USP14: variants seen among roughly 807,000 people sequenced by gnomAD.
USP14 encodes the protein ubiquitin carboxyl-terminal hydrolase 14.
Under a neutral mutation model 76.5 loss-of-function variants are expected in USP14, and 38 were observed. The ratio of observed to expected loss-of-function variants is 0.50; its 90% CI spans 0.38 to 0.65. The LOEUF (loss-of-function observed/expected upper bound fraction) is 0.65. Among genes scored for constraint, USP14 ranks in the 30% least tolerant of loss-of-function variants. USP14 has a pLI of 0.00. For missense variants in USP14, 467 were observed against 586.5 expected, an observed-to-expected ratio of 0.80 and a Z score of 2.10; for synonymous variants, 192 against 191.7, an observed-to-expected ratio of 1.00 and a Z score of -0.01.
chr18:214,533 G>A lies in USP14; in HGVS notation c.*3249G>A. The A allele has an allele frequency of 1.0e-6, 1 of 1,002,358 alleles. No homozygotes were observed. The highest frequency in any genetic ancestry group is 1.5e-6 in the Non-Finnish European group (1 of 685,364). The allele number at this position is 1,002,358 out of a possible 1,614,324, so 62.1% of individuals were successfully genotyped here. A position where few individuals can be genotyped will look rare whatever the true frequency, so the allele number is the denominator to read the frequency against. On this transcript the variant is annotated 3_prime_UTR_variant, in exon 16 of 16. Transcript: ENST00000261601. ...ACTGTACAACAATTGTTATAAAAAT[G>A]TTTATTGTTTACCAAAACCAGTGGA... is the stretch of plus-strand genomic sequence containing the variant.
chr18:189,814 G>A (rs1443937145), intron 5 of USP14, among the ~76,000 whole-genome samples: 1 of 152,134 alleles, frequency 6.6e-6, no homozygotes, highest in African/African-American at 2.4e-5. Flanking sequence ...TAACATGCCA[G>A]AGTATACAAA....
At chr18:177,620 T>C (rs1909662545) in intron 3 of USP14, among the ~76,000 whole-genome samples, 2 of 141,866 alleles carry the variant, frequency 1.4e-5, no homozygotes, top group South Asian at 4.9e-4. Flanking sequence ...CTGGCTATCA[T>C]TTTTCCCTCC....
chr18:206,200 C>T (rs116616328), intron 13 of USP14, among the ~76,000 whole-genome samples: 1,535 of 152,328 alleles, frequency 0.01, 25 homozygotes, highest in African/African-American at 0.034. Context: ...GATTCACTTT[C>T]TCTGCATTCT....
chr18:210,523 A>G (rs1192330076), intron 15 of USP14, 30 bp downstream of exon 15: 1 of 1,466,224 alleles, frequency 6.8e-7, no homozygotes, highest in Non-Finnish European at 9.4e-7. Flanking sequence ...CAACTGTTCA[A>G]TATTATTTTA....
chr18:204,732 A>G, intron 13 of USP14, 40 bp downstream of exon 13: 2 of 1,597,410 alleles, frequency 1.3e-6, no homozygotes, highest in Non-Finnish European at 1.7e-6. Context: ...TAATATCTTA[A>G]TCTCCCATCA....
chr18:186,610 A>G (rs1437895125), intron 5 of USP14, among the ~76,000 whole-genome samples: 1 of 151,824 alleles, frequency 6.6e-6, no homozygotes, highest in Non-Finnish European at 1.5e-5. Flanking sequence ...AAAATTAGCC[A>G]GGTTTGGTGG....
At chr18:206,267 T>C (rs1245220118) in intron 13 of USP14, among the ~76,000 whole-genome samples, 1 of 152,246 alleles carries the variant, frequency 6.6e-6, no homozygotes, top group Non-Finnish European at 1.5e-5. Context: ...AGGTTTATAG[T>C]GATACTGTGT....
intron 1 of USP14, among the ~76,000 whole-genome samples, chr18:159,958 AT>A (rs1909070023): frequency 6.6e-6 from 1 of 152,192 alleles, no homozygotes; most frequent in Admixed American, 6.5e-5. Context: ...AAAGCTCTAT[AT>A]TAAAATGAAG....
At chr18:196,394 T>C (rs1242346598) in intron 6 of USP14, 2 of 282,652 alleles carry the variant, frequency 7.1e-6, no homozygotes, top group Admixed American at 5.0e-5. Flanking sequence ...AATGGTGGCG[T>C]GTGCCTGTAA....
intron 1 of USP14, among the ~76,000 whole-genome samples, chr18:160,448 A>G (rs1909085390): frequency 6.6e-6 from 1 of 152,166 alleles, no homozygotes; most frequent in African/African-American, 2.4e-5. Flanking sequence ...ACTTGAGCCA[A>G]GGAGTTAGAG....
Position 158,589 on chromosome 18 carries a change from C to G in USP14, c.-110C>G, listed in dbSNP as rs1909015683. The G allele has an allele frequency of 1.7e-6, 2 of 1,202,886 alleles. No individual in the cohort carries two copies. The highest frequency in any genetic ancestry group is 2.3e-6 in the Non-Finnish European group (2 of 874,932). 74.5% of individuals were successfully genotyped at this position (1,202,886 alleles called of 1,614,324 possible). A position where few individuals can be genotyped will look rare whatever the true frequency, so the allele number is the denominator to read the frequency against. On this transcript the variant is annotated 5_prime_UTR_variant, in exon 1 of 16. Transcript: ENST00000261601. ...ACTCGTCGCACCGAAGCCGCCGCCA[C>G]CACCGCGCCTCCGCCTCGGCCGCCG...
intron 10 of USP14, among the ~76,000 whole-genome samples, chr18:200,265 G>C (rs191020277): frequency 6.6e-6 from 1 of 152,094 alleles, no homozygotes; most frequent in African/African-American, 2.4e-5. Context: ...GTTTTCTTAC[G>C]TGAAAATGAG....
chr18:198,051 A>T lies in USP14; in HGVS notation c.680A>T (p.Asp227Val). 6.2e-7 allele frequency: 1 copy of T among 1,601,198 alleles called. No homozygotes were observed. The change falls in exon 9 of 16, where the codon GAC becomes GTC. Residue 227 changes from aspartate (D) to valine (V), a missense_variant. Coordinates refer to ENST00000261601, the MANE Select transcript of USP14 (RefSeq NM_005151.4). Reference sequence around the variant, plus strand: ...TTTTTATTTTAATTTTTGCAGACAGACTCCTCATCTGCATCGGCAGCGACA... The same window carrying T: ...TTTTTATTTTAATTTTTGCAGACAGTCTCCTCATCTGCATCGGCAGCGACA... ...AIEDDSVKETDSSSASAATPS... is the reference protein window; with the variant it reads ...AIEDDSVKETVSSSASAATPS...
chr18:206,645 A>G (rs1236856916), intron 13 of USP14, among the ~76,000 whole-genome samples: 3 of 152,190 alleles, frequency 2.0e-5, no homozygotes, highest in Non-Finnish European at 4.4e-5. Flanking sequence ...CTCACCTGTA[A>G]TCCCAGCACT....
In USP14 at chr18:203,081, A is replaced by C. The variant is rs471274; in HGVS notation, c.943-17A>C. On this transcript the variant is annotated splice_polypyrimidine_tract_variant and intron_variant, in intron 11 of 15. Transcript: ENST00000261601. The stretch of plus-strand genomic sequence containing the variant: ...TATTTTGATGTAATGGGATTTCTTT[A>C]CATTTTGTCTCCTCAGTCCAAGATC... 0.63 allele frequency: 1,012,301 copies of C among 1,610,942 alleles called. 320,208 individuals carry two copies. The highest frequency in any genetic ancestry group is 0.75 in the South Asian group (67,722 of 90,402).
chr18:207,132 A>T (rs1910552418), intron 13 of USP14, among the ~76,000 whole-genome samples: 1 of 115,286 alleles, frequency 8.7e-6, no homozygotes, highest in Non-Finnish European at 2.2e-5. Flanking sequence ...ATCTGTATTT[A>T]TGAGTGTATT....
At chr18:197,917 TG>T in intron 8 of USP14, 129 bp from the exon 9 acceptor site, 7 of 823,776 alleles carry the variant, frequency 8.5e-6, no homozygotes, top group Non-Finnish European at 1.3e-5. Context: ...TTTTTGGTAA[TG>T]TTTTTTGAAG....
intron 9 of USP14, among the ~76,000 whole-genome samples, chr18:198,346 T>C (rs900017251): frequency 2.0e-5 from 3 of 152,198 alleles, no homozygotes; most frequent in African/African-American, 7.2e-5. Context: ...CAAACAGTTC[T>C]GCCTCAGCCT....
At chr18:210,359 T>C in intron 14 of USP14, 27 bp from the exon 15 acceptor site, 1 of 1,505,208 alleles carries the variant, frequency 6.6e-7, no homozygotes, top group Non-Finnish European at 9.1e-7. Context: ...CATTGTCTAA[T>C]ATTAATGGAT....
Sources: gnomAD v4.1 joint callset for allele counts (sites outside exome capture counted in the v4.1 genomes callset) on GRCh38, gnomAD v4.1.1 for gene constraint, MANE v1.5 for transcripts, NCBI Gene and HGNC (gene_info 2026-07-23, HGNC 2026-07-21) for gene names.